The following HSD17B11 variants were observed in gnomAD, a reference collection of about 807,000 sequenced individuals.
HSD17B11 encodes the protein estradiol 17-beta-dehydrogenase 11.
HSD17B11 carries 22 observed loss-of-function variants against 27.8 expected under a neutral mutation model. The ratio of observed to expected loss-of-function variants is 0.79; its 90% CI spans 0.56 to 1.13. The LOEUF is 1.13. HSD17B11 is among the 50% of genes most tolerant of loss of function. HSD17B11 has a pLI of 0.00. For missense variants in HSD17B11, 314 were observed against 351.1 expected, an observed-to-expected ratio of 0.89 and a Z score of 0.84; for synonymous variants, 117 against 132.8, an observed-to-expected ratio of 0.88 and a Z score of 0.82.
Position 87,380,644 on chromosome 4 carries a change from T to C in HSD17B11, c.318+1611A>G, listed in dbSNP as rs1267096181. 2.8e-5 allele frequency among the ~76,000 whole-genome samples: 4 copies of C among 144,846 alleles called. No individual in the cohort carries two copies. In the East Asian group the frequency reaches 8.4e-4, roughly 30 times the overall value. ...GAGGCCGAGGGAGCAGATCACGAGG[T>C]CAGGAGATACAGACCATCCTGGCTA... On this transcript the variant is annotated intron_variant, in intron 2 of 6. Transcript: ENST00000358290.
At chr4:87,383,278 C>A (rs1720220863) in intron 1 of HSD17B11, among the ~76,000 whole-genome samples, 1 of 151,988 alleles carries the variant, frequency 6.6e-6, no homozygotes. Context: ...GAATGAGGAG[C>A]CACTGATTAA....
At chr4:87,370,448 T>C (rs145206676) in intron 4 of HSD17B11, among the ~76,000 whole-genome samples, 10,395 of 151,932 alleles carry the variant, frequency 0.068, 1,209 homozygotes, top group African/African-American at 0.24. Flanking sequence ...ACGAAGTCTC[T>C]CTCTGTTGCC....
At chr4:87,340,951 G>C (rs1735154607) in intron 5 of HSD17B11, among the ~76,000 whole-genome samples, 1 of 151,996 alleles carries the variant, frequency 6.6e-6, no homozygotes. Flanking sequence ...AGCTAGATTA[G>C]GTCTGACAAC....
chr4:87,373,822 C>G (rs763009351), intron 3 of HSD17B11, among the ~76,000 whole-genome samples: 2 of 152,082 alleles, frequency 1.3e-5, no homozygotes, highest in African/African-American at 2.4e-5. Context: ...TTTTATAAAC[C>G]CCAATATTCT....
At chr4:87,376,059 A>G (rs1735818326) in intron 2 of HSD17B11, among the ~76,000 whole-genome samples, 1 of 152,244 alleles carries the variant, frequency 6.6e-6, no homozygotes, top group Admixed American at 6.5e-5. Context: ...AAATGAAATA[A>G]TGCATGTAAA....
At chr4:87,363,426 T>C (rs1735553659) in intron 4 of HSD17B11, among the ~76,000 whole-genome samples, 1 of 152,200 alleles carries the variant, frequency 6.6e-6, no homozygotes, top group Admixed American at 6.5e-5. Flanking sequence ...AGAGGGGTAC[T>C]TCAGGATAAA....
intron 5 of HSD17B11, among the ~76,000 whole-genome samples, chr4:87,354,236 C>T (rs146832329): frequency 2.0e-5 from 3 of 151,872 alleles, no homozygotes; most frequent in South Asian, 2.1e-4. Flanking sequence ...TAGAACCTGG[C>T]GGCCGTGGAT....
At chr4:87,365,113 G>A (rs1239700788) in intron 4 of HSD17B11, among the ~76,000 whole-genome samples, 1 of 152,216 alleles carries the variant, frequency 6.6e-6, no homozygotes, top group Non-Finnish European at 1.5e-5. Context: ...AGGTTGCAGT[G>A]AGCCAAGATC....
intron 5 of HSD17B11, among the ~76,000 whole-genome samples, chr4:87,341,943 T>A (rs1735177828): frequency 6.6e-6 from 1 of 151,982 alleles, no homozygotes; most frequent in Non-Finnish European, 1.5e-5. Context: ...TGCACAAGAG[T>A]TAGTACTGAG....
intron 2 of HSD17B11, among the ~76,000 whole-genome samples, chr4:87,378,950 A>T (rs1282968638): frequency 4.2e-5 from 1 of 23,924 alleles, no homozygotes; most frequent in Non-Finnish European, 6.8e-5. Flanking sequence ...ATATATATTT[A>T]TATATATATA....
At chr4:87,369,561 G>A (rs1236798480) in intron 4 of HSD17B11, among the ~76,000 whole-genome samples, 10 of 151,898 alleles carry the variant, frequency 6.6e-5, no homozygotes, top group East Asian at 1.9e-4. Context: ...AGCCTCCTGC[G>A]TAGCTGGGAC....
chr4:87,378,859 TATATATAA>T lies in HSD17B11; in HGVS notation c.318+3388_318+3395del, dbSNP rs1560769138. Among the ~76,000 whole-genome samples, 7 of 24,962 alleles carry T rather than the reference TATATATAA, an allele frequency of 2.8e-4. 2 individuals carry two copies. Among genetic ancestry groups the T allele is most frequent in the African/African-American group, 2.3e-3 (7 of 3,090 alleles). 16.4% of individuals were successfully genotyped at this position (24,962 alleles called of 152,430 possible). A position where few individuals can be genotyped will look rare whatever the true frequency, so the allele number is the denominator to read the frequency against. On this transcript the variant is annotated intron_variant, in intron 2 of 6. Coordinates refer to ENST00000358290, the MANE Select transcript of HSD17B11 (RefSeq NM_016245.5). ...ATATATATATAAATATATATATAAA[TATATATAA>T]ATATATATATATAAATATATATATA...
At position 87,391,177 on chromosome 4, in the gene HSD17B11, C is replaced by T; in HGVS notation, c.-107G>A. 4.1e-6 allele frequency: 3 copies of T among 735,724 alleles called. No homozygotes were observed. Among genetic ancestry groups the T allele is most frequent in the Non-Finnish European group, 4.4e-6 (2 of 456,450 alleles). The allele number at this position is 735,724 out of a possible 1,614,324, so 45.6% of individuals were successfully genotyped here. A position where few individuals can be genotyped will look rare whatever the true frequency, so the allele number is the denominator to read the frequency against. ...ACACCAGAAAGAGTAGGGGCGAGAGCAAGGAGGAACTCCCGTATCAAAGAA... is the reference window on the plus strand; with the variant it reads ...ACACCAGAAAGAGTAGGGGCGAGAGTAAGGAGGAACTCCCGTATCAAAGAA... On this transcript the variant is annotated 5_prime_UTR_variant, in exon 1 of 7. Transcript: ENST00000358290.
intron 4 of HSD17B11, chr4:87,366,079 C>T (rs1429876648): frequency 6.6e-6 from 1 of 152,206 alleles, no homozygotes; most frequent in African/African-American, 2.4e-5. Context: ...TGGTCTTGAA[C>T]TTCCGACCTC....
intron 6 of HSD17B11, among the ~76,000 whole-genome samples, chr4:87,338,152 G>C (rs879330509): frequency 6.6e-6 from 1 of 152,214 alleles, no homozygotes; most frequent in Admixed American, 6.5e-5. Context: ...GGGAGGTGGA[G>C]GTTGCAGTGA....
intron 4 of HSD17B11, among the ~76,000 whole-genome samples, chr4:87,365,202 ATAAGTGCTGAATCTTCTATT>A (rs1230482795): frequency 6.6e-6 from 1 of 152,152 alleles, no homozygotes; most frequent in African/African-American, 2.4e-5. Context: ...GAAAAACTGT[ATAAGTGCTGAATCTTCTATT>A]TATAGTGTAT....
At chr4:87,340,643 C>G in intron 5 of HSD17B11, 37 bp from the exon 6 acceptor site, 1 of 1,377,104 alleles carries the variant, frequency 7.3e-7, no homozygotes, top group South Asian at 1.2e-5. Flanking sequence ...CAAAATACTT[C>G]ACCGAGGCTT....
chr4:87,376,685 T>C (rs1490335042), intron 2 of HSD17B11, among the ~76,000 whole-genome samples: 2 of 151,884 alleles, frequency 1.3e-5, no homozygotes, highest in African/African-American at 4.8e-5. Context: ...AGAAATAAAA[T>C]GGTTATGTGG....
intron 4 of HSD17B11, among the ~76,000 whole-genome samples, chr4:87,362,069 C>A (rs980614564): frequency 2.0e-5 from 3 of 152,200 alleles, no homozygotes; most frequent in Non-Finnish European, 4.4e-5. Context: ...GGGGTGCCTA[C>A]ACCTGGGTAA....
Sources: allele counts gnomAD v4.1 joint callset (sites outside exome capture counted in the v4.1 genomes callset), GRCh38; gene constraint gnomAD v4.1.1; transcripts MANE v1.5; gene names NCBI Gene and HGNC (gene_info 2026-07-23, HGNC 2026-07-21).